Variants in SMIM14 observed in about 807,000 individuals in gnomAD.
SMIM14 encodes small integral membrane protein 14.
In SMIM14, 5 loss-of-function variants were observed where a neutral mutation model predicts 12.6. The ratio of observed to expected loss-of-function variants is 0.40; its 90% CI spans 0.21 to 0.83. SMIM14 has a LOEUF of 0.83. Ranked by LOEUF, SMIM14 falls within the 40% of genes least tolerant of loss-of-function variation. SMIM14 has a pLI of 0.37. For missense variants in SMIM14, 86 were observed against 119.1 expected (o/e 0.72, Z 1.29); for synonymous variants, 30 against 40.1 (o/e 0.75, Z 0.95).
In SMIM14 at chr4:39,620,438, C is replaced by A. The variant is rs1228377846; in HGVS notation, c.-35-15258G>T. ...AGCCTGCAGTGAGCCGGAGATCGCGCCACTGCACTCCATCCTGGGCGAGAG... is the reference window on the plus strand; with the variant it reads ...AGCCTGCAGTGAGCCGGAGATCGCGACACTGCACTCCATCCTGGGCGAGAG... On this transcript the variant is annotated intron_variant, in intron 1 of 4. Transcript: ENST00000295958. Among the ~76,000 whole-genome samples, 5 of 152,118 alleles carry A rather than the reference C, an allele frequency of 3.3e-5. No individual in the cohort carries two copies. In the East Asian group the frequency reaches 9.7e-4, roughly 29 times the overall value.
chr4:39,626,840 C>A (rs1040639516), intron 1 of SMIM14, among the ~76,000 whole-genome samples: 3 of 152,142 alleles, frequency 2.0e-5, no homozygotes, highest in East Asian at 1.9e-4. Context: ...GTTTCCATTT[C>A]TCTGCAACAC....
intron 1 of SMIM14, among the ~76,000 whole-genome samples, chr4:39,621,978 G>A (rs1177394553): frequency 2.0e-5 from 3 of 151,128 alleles, no homozygotes; most frequent in Non-Finnish European, 4.4e-5. Context: ...CACCGCACTC[G>A]GCCTCATTTT....
rs1560284608 is a variant in SMIM14 at position 39,564,267 on chromosome 4, A to G, written c.125-7697T>C. ...AACCCTGTAGTTTTTGGTCCTATAC[A>G]GTAATTACATTATCCTAAGCACAGC... is the stretch of plus-strand genomic sequence containing the variant. On this transcript the variant is annotated intron_variant, in intron 3 of 4. Transcript: ENST00000295958. Among the ~76,000 whole-genome samples the G allele has an allele frequency of 2.0e-5, 3 of 152,314 alleles. No individual in the cohort carries two copies. The South Asian group carries it at 6.2e-4, about 32-fold the overall frequency.
At chr4:39,585,576 C>A (rs1376349705) in intron 2 of SMIM14, among the ~76,000 whole-genome samples, 2 of 152,020 alleles carry the variant, frequency 1.3e-5, no homozygotes, top group East Asian at 3.9e-4. Flanking sequence ...GGATTACAGG[C>A]ATGAGCCACT....
chr4:39,610,353 G>A (rs916218757), intron 1 of SMIM14, among the ~76,000 whole-genome samples: 1 of 152,022 alleles, frequency 6.6e-6, no homozygotes, highest in Non-Finnish European at 1.5e-5. Context: ...TTAGAACACA[G>A]TATCCACAAA....
At chr4:39,572,671 A>G (rs1173473781) in intron 2 of SMIM14, among the ~76,000 whole-genome samples, 1 of 151,866 alleles carries the variant, frequency 6.6e-6, no homozygotes, top group Non-Finnish European at 1.5e-5. Context: ...AAAATACAAA[A>G]ATTAGCCAGG....
chr4:39,590,792 A>G (rs1433118086), intron 2 of SMIM14, among the ~76,000 whole-genome samples: 1 of 138,378 alleles, frequency 7.2e-6, no homozygotes, highest in Non-Finnish European at 1.6e-5. Flanking sequence ...ACAGGGCAAC[A>G]CTCTGTCTCA....
intron 2 of SMIM14, among the ~76,000 whole-genome samples, chr4:39,574,314 C>T (rs1259545922): frequency 2.0e-5 from 3 of 148,274 alleles, no homozygotes; most frequent in East Asian, 2.1e-4. Context: ...AGTGCAGTGG[C>T]GCAATCTCGG....
At chr4:39,632,230 C>T (rs2109258540) in intron 1 of SMIM14, among the ~76,000 whole-genome samples, 1 of 152,282 alleles carries the variant, frequency 6.6e-6, no homozygotes, top group Middle Eastern at 3.4e-3. Context: ...GTGACTCATG[C>T]CTGTAATCCC....
intron 1 of SMIM14, among the ~76,000 whole-genome samples, chr4:39,605,804 G>A (rs1560301749): frequency 6.6e-6 from 1 of 152,128 alleles, no homozygotes; most frequent in African/African-American, 2.4e-5. Flanking sequence ...GCAGTGATAC[G>A]ATCTCAGCTC....
At chr4:39,638,554 C>G in intron 1 of SMIM14, 185 bp downstream of exon 1, 4 of 984,982 alleles carry the variant, frequency 4.1e-6, no homozygotes, top group Non-Finnish European at 4.8e-6. Context: ...GACGCGGGCT[C>G]GGCAGCAGCG....
In SMIM14 at chr4:39,567,983, A is replaced by C. The variant is rs114084425; in HGVS notation, c.124+4432T>G. On this transcript the variant is annotated intron_variant, in intron 3 of 4. Coordinates refer to ENST00000295958, the MANE Select transcript of SMIM14 (RefSeq NM_174921.3). ...GTTAAAGCCCAAATAGATTGTATAAATAAGAACATACAGGCCGGGCGCGGT... is the reference window on the plus strand; with the variant it reads ...GTTAAAGCCCAAATAGATTGTATAACTAAGAACATACAGGCCGGGCGCGGT... 9.2e-3 allele frequency among the ~76,000 whole-genome samples: 1,394 copies of C among 152,228 alleles called. 22 individuals carry two copies. Among genetic ancestry groups the C allele is most frequent in the African/African-American group, 0.032 (1,330 of 41,538 alleles).
chr4:39,622,710 C>A (rs1014098556), intron 1 of SMIM14, among the ~76,000 whole-genome samples: 1 of 152,110 alleles, frequency 6.6e-6, no homozygotes, highest in Non-Finnish European at 1.5e-5. Context: ...TGCAAATGTT[C>A]GTTTTTAAAG....
chr4:39,571,504 T>G (rs545495487), intron 3 of SMIM14, among the ~76,000 whole-genome samples: 1 of 151,796 alleles, frequency 6.6e-6, no homozygotes, highest in Admixed American at 6.6e-5. Flanking sequence ...CACTTGAGCC[T>G]GGGAGGTCAA....
rs1747368689 is a variant in SMIM14, at chr4:39,546,961, A to G, written c.*5165T>C. On this transcript the variant is annotated 3_prime_UTR_variant, in exon 5 of 5. Transcript: ENST00000295958. ...ACATGTCTGGTTCCTTTTGAGCTAG[A>G]TATATCTGCTTAAATAATTAACACT... 6.6e-6 allele frequency: 1 copy of G among 152,208 alleles called. No individual in the cohort carries two copies. The allele number at this position is 152,208 out of a possible 1,614,324, so 9.4% of individuals were successfully genotyped here.
intron 2 of SMIM14, among the ~76,000 whole-genome samples, chr4:39,573,434 C>T (rs1354820535): frequency 1.3e-5 from 2 of 152,114 alleles, no homozygotes; most frequent in African/African-American, 4.8e-5. Flanking sequence ...TGTCACAGAA[C>T]GTATCTTCAA....
intron 1 of SMIM14, among the ~76,000 whole-genome samples, chr4:39,605,595 T>C (rs1167784286): frequency 6.6e-6 from 1 of 152,136 alleles, no homozygotes; most frequent in Admixed American, 6.6e-5. Flanking sequence ...ATTAATGACA[T>C]AGCTAAAAAA....
intron 1 of SMIM14, chr4:39,611,861 G>A (rs1045813947): frequency 2.0e-5 from 3 of 152,122 alleles, no homozygotes; most frequent in South Asian, 2.1e-4. Flanking sequence ...GAATAAGGTA[G>A]ATTTCTACAT....
At chr4:39,569,718 C>G (rs1025019074) in intron 3 of SMIM14, among the ~76,000 whole-genome samples, 1 of 148,090 alleles carries the variant, frequency 6.8e-6, no homozygotes, top group Admixed American at 6.8e-5. Flanking sequence ...GCCTGGGCGA[C>G]AAAGCGAGAC....
Sources: allele counts gnomAD v4.1 joint callset (sites outside exome capture counted in the v4.1 genomes callset), GRCh38; gene constraint gnomAD v4.1.1; transcripts MANE v1.5; gene names NCBI Gene and HGNC (gene_info 2026-07-23, HGNC 2026-07-21).